The following TOX variants were observed in gnomAD, a reference collection of about 807,000 sequenced individuals.
TOX encodes thymocyte selection-associated high mobility group box protein TOX.
TOX carries 11 observed loss-of-function variants against 53.7 expected under a neutral mutation model. The ratio of observed to expected loss-of-function variants is 0.20; its 90% confidence interval spans 0.13 to 0.34. TOX has a LOEUF of 0.34. Among genes scored for constraint, TOX ranks in the 10% least tolerant of loss-of-function variants. The pLI, the probability that TOX is intolerant of heterozygous loss-of-function variation, is 1.00. For missense variants in TOX, 570 were observed against 664.6 expected, an observed-to-expected ratio of 0.86 and a Z score of 1.56; for synonymous variants, 225 against 245.3, an observed-to-expected ratio of 0.92 and a Z score of 0.77.
chr8:59,061,491 T>C (rs1409356639), intron 1 of TOX, among the ~76,000 whole-genome samples: 3 of 152,224 alleles, frequency 2.0e-5, no homozygotes, highest in African/African-American at 7.2e-5. Context: ...TGTGATGGCC[T>C]CTTCGGTAAT....
At chr8:58,986,220 AT>A (rs1171238182) in intron 1 of TOX, among the ~76,000 whole-genome samples, 12 of 152,210 alleles carry the variant, frequency 7.9e-5, no homozygotes, top group African/African-American at 2.4e-4. Flanking sequence ...CACAGGAGGC[AT>A]TGCAAAAGAT....
At chr8:58,905,982 A>G (rs1260671743) in intron 3 of TOX, among the ~76,000 whole-genome samples, 1 of 152,164 alleles carries the variant, frequency 6.6e-6, no homozygotes, top group Non-Finnish European at 1.5e-5. Flanking sequence ...ATTCAATTTC[A>G]CACCTTTTCA....
Position 58,939,942 on chromosome 8 carries a change from T to C in TOX, c.169-398A>G, listed in dbSNP as rs573831583. Among the ~76,000 whole-genome samples the C allele has an allele frequency of 6.8e-4, 103 of 152,276 alleles. 1 individual carries two copies. Among genetic ancestry groups the C allele is most frequent in the African/African-American group, 2.4e-3 (101 of 41,568 alleles). ...ACGGGGCTCCCTACTGCTCAGATCATGGGATGTAATAAAAACGAATTCCAG... is the reference window on the plus strand; with the variant it reads ...ACGGGGCTCCCTACTGCTCAGATCACGGGATGTAATAAAAACGAATTCCAG... On this transcript the variant is annotated intron_variant, in intron 2 of 8. Coordinates refer to ENST00000361421, the MANE Select transcript of TOX (RefSeq NM_014729.3).
At chr8:58,975,724 T>G (rs528785450) in intron 1 of TOX, among the ~76,000 whole-genome samples, 1 of 152,154 alleles carries the variant, frequency 6.6e-6, no homozygotes, top group African/African-American at 2.4e-5. Flanking sequence ...TGATGACTGC[T>G]GACTGATCAG....
At position 59,069,453 on chromosome 8, in the gene TOX, T is replaced by C. The variant is rs574959963; in HGVS notation, c.102+49433A>G. 1.1e-3 allele frequency among the ~76,000 whole-genome samples: 161 copies of C among 152,318 alleles called. 5 individuals are homozygous for C. In the South Asian group the frequency reaches 0.032, roughly 30 times the overall value. On this transcript the variant is annotated intron_variant, in intron 1 of 8. Coordinates refer to ENST00000361421, the MANE Select transcript of TOX (RefSeq NM_014729.3). ...TAGATGCCTAAGTGGCAGTTGAATATAGACGTTTTGAAATGAAAGAAATCT... is the reference window on the plus strand; with the variant it reads ...TAGATGCCTAAGTGGCAGTTGAATACAGACGTTTTGAAATGAAAGAAATCT...
intron 3 of TOX, among the ~76,000 whole-genome samples, chr8:58,882,782 GATGTTGTAGGAC>G (rs1296436469): frequency 1.3e-5 from 2 of 152,218 alleles, no homozygotes; most frequent in Non-Finnish European, 2.9e-5. Context: ...ACATGAGGGA[GATGTTGTAGGAC>G]ATATGAGTGC....
chr8:58,966,430 T>C (rs998906394), intron 1 of TOX, among the ~76,000 whole-genome samples: 6 of 152,164 alleles, frequency 3.9e-5, no homozygotes, highest in Non-Finnish European at 7.3e-5. Flanking sequence ...TCCCTCTTGA[T>C]TGGGCTCCTG....
chr8:59,043,873 A>G (rs1803639607), intron 1 of TOX, among the ~76,000 whole-genome samples: 2 of 152,228 alleles, frequency 1.3e-5, no homozygotes, highest in Non-Finnish European at 2.9e-5. Flanking sequence ...GAATTCATTT[A>G]AATTATGATA....
At chr8:59,081,816 T>G (rs183323441) in intron 1 of TOX, among the ~76,000 whole-genome samples, 1 of 152,130 alleles carries the variant, frequency 6.6e-6, no homozygotes, top group Non-Finnish European at 1.5e-5. Flanking sequence ...TTAAAAGCCA[T>G]AGATAACTGA....
At chr8:58,869,889 A>T (rs1811169483) in intron 3 of TOX, among the ~76,000 whole-genome samples, 1 of 152,112 alleles carries the variant, frequency 6.6e-6, no homozygotes, top group African/African-American at 2.4e-5. Context: ...CATGAAAAAA[A>T]AAACCATAGC....
chr8:58,956,506 C>A (rs10104226), intron 2 of TOX, among the ~76,000 whole-genome samples: 2,077 of 152,238 alleles, frequency 0.014, 61 homozygotes, highest in African/African-American at 0.048. Flanking sequence ...TATAGTGAAG[C>A]AAATTAACAT....
intron 1 of TOX, among the ~76,000 whole-genome samples, chr8:59,009,021 C>T (rs889749708): frequency 3.0e-4 from 46 of 152,114 alleles, no homozygotes; most frequent in African/African-American, 1.1e-3. Flanking sequence ...TCTGTCCCCT[C>T]ATTCCTTCTT....
chr8:59,033,888 G>A (rs574482000), intron 1 of TOX, among the ~76,000 whole-genome samples: 27 of 152,248 alleles, frequency 1.8e-4, no homozygotes, highest in South Asian at 4.1e-4. Context: ...CAGATAGGGC[G>A]GCCTCAACAT....
intron 6 of TOX, among the ~76,000 whole-genome samples, chr8:58,825,772 T>G (rs1189812271): frequency 6.6e-6 from 1 of 152,212 alleles, no homozygotes; most frequent in African/African-American, 2.4e-5. Context: ...TATAATTTTA[T>G]ACACATTCTA....
intron 1 of TOX, among the ~76,000 whole-genome samples, chr8:59,047,366 GC>G (rs1803709329): frequency 6.6e-6 from 1 of 151,208 alleles, no homozygotes; most frequent in Non-Finnish European, 1.5e-5. Flanking sequence ...ACAGGCGCCC[GC>G]CACCACGCCC....
chr8:58,807,950 A>G (rs1174230015), intron 8 of TOX, among the ~76,000 whole-genome samples, 167 bp from the exon 9 acceptor site: 3 of 152,258 alleles, frequency 2.0e-5, no homozygotes, highest in Admixed American at 6.5e-5. Flanking sequence ...AAAGGCATTT[A>G]TTCTTGGAAG....
intron 1 of TOX, among the ~76,000 whole-genome samples, chr8:59,050,752 C>A (rs1454287019): frequency 6.6e-6 from 1 of 152,008 alleles, no homozygotes; most frequent in Non-Finnish European, 1.5e-5. Flanking sequence ...ATTTTTTCAT[C>A]CTTTGTAATC....
intron 2 of TOX, among the ~76,000 whole-genome samples, chr8:58,952,737 A>C (rs557958733): frequency 7.9e-5 from 12 of 152,340 alleles, no homozygotes; most frequent in African/African-American, 1.4e-4. Context: ...ACTGAAATAC[A>C]TTTCCCTAAT....
chr8:58,815,003 C>T (rs1810150002), intron 7 of TOX, among the ~76,000 whole-genome samples: 1 of 152,106 alleles, frequency 6.6e-6, no homozygotes, highest in South Asian at 2.1e-4. Context: ...CACTTGGTAT[C>T]TTAAAATAAC....
Sources: gnomAD v4.1 joint callset for allele counts (sites outside exome capture counted in the v4.1 genomes callset) on GRCh38, gnomAD v4.1.1 for gene constraint, MANE v1.5 for transcripts, NCBI Gene and HGNC (gene_info 2026-07-23, HGNC 2026-07-21) for gene names.